ME3: variants seen among roughly 807,000 people sequenced by gnomAD.
ME3 encodes NADP-dependent malic enzyme, mitochondrial.
ME3 carries 48 observed loss-of-function variants against 68.9 expected under a neutral mutation model. That is an observed-to-expected ratio of 0.70 (90% CI 0.55 to 0.89). ME3 has a LOEUF of 0.89. ME3 is among the 40% of genes least tolerant of loss of function. ME3 has a pLI of 0.00. For missense variants in ME3, 675 were observed against 797.4 expected (o/e 0.85, Z 1.85); for synonymous variants, 320 against 318.8 (o/e 1.00, Z -0.04).
At chr11:86,521,198 C>A (rs1406947182) in intron 4 of ME3, among the ~76,000 whole-genome samples, 1 of 152,108 alleles carries the variant, frequency 6.6e-6, no homozygotes, top group Admixed American at 6.5e-5. Flanking sequence ...TTGAGACCAT[C>A]CTGGCTAACA....
intron 2 of ME3, among the ~76,000 whole-genome samples, chr11:86,592,471 A>G (rs369498624): frequency 6.6e-6 from 1 of 152,230 alleles, no homozygotes; most frequent in Non-Finnish European, 1.5e-5. Flanking sequence ...GGAGCACTTC[A>G]CAAAACCCAT....
chr11:86,478,619 A>C (rs1438609111), intron 7 of ME3, among the ~76,000 whole-genome samples: 2 of 152,214 alleles, frequency 1.3e-5, no homozygotes, highest in African/African-American at 4.8e-5. Flanking sequence ...ATTGCTCACT[A>C]CATCAAGTCT....
intron 3 of ME3, among the ~76,000 whole-genome samples, chr11:86,556,908 T>C (rs1016848768): frequency 7.2e-5 from 11 of 152,168 alleles, no homozygotes; most frequent in African/African-American, 2.7e-4. Flanking sequence ...ATGGTGTAGA[T>C]ACTGTTCTAA....
intron 4 of ME3, among the ~76,000 whole-genome samples, chr11:86,526,650 G>C (rs1954773492): frequency 6.6e-6 from 1 of 152,192 alleles, no homozygotes; most frequent in South Asian, 2.1e-4. Flanking sequence ...ACATGGCTGG[G>C]TACCCCTGTG....
At chr11:86,574,994 GC>G (rs1958020126) in intron 2 of ME3, among the ~76,000 whole-genome samples, 1 of 148,282 alleles carries the variant, frequency 6.7e-6, no homozygotes, top group African/African-American at 2.6e-5. Flanking sequence ...AGGTTGTCCA[GC>G]CTGGGCAGGG....
At chr11:86,474,426 T>C (rs1013156493) in intron 7 of ME3, among the ~76,000 whole-genome samples, 2 of 152,116 alleles carry the variant, frequency 1.3e-5, no homozygotes, top group African/African-American at 4.8e-5. Context: ...AGAAATCTCA[T>C]TGCTGGGGAG....
chr11:86,620,343 C>A (rs1453632483), intron 2 of ME3, among the ~76,000 whole-genome samples: 1 of 152,178 alleles, frequency 6.6e-6, no homozygotes. Flanking sequence ...GACATGTAAT[C>A]TTTTAATTTT....
exon 2 of ME3, chr11:86,671,797 C>T: frequency 1.2e-6 from 2 of 1,603,480 alleles, no homozygotes; most frequent in Non-Finnish European, 1.7e-6. Flanking sequence ...ACATCGTATC[C>T]GCGCTTCTTC....
chr11:86,631,292 T>A (rs760056535), intron 2 of ME3, among the ~76,000 whole-genome samples: 1 of 152,088 alleles, frequency 6.6e-6, no homozygotes, highest in African/African-American at 2.4e-5. Context: ...CTCTCCTGCC[T>A]CCCCCTTCTC....
chr11:86,561,519 A>T (rs1451087777), intron 2 of ME3, among the ~76,000 whole-genome samples: 2 of 152,218 alleles, frequency 1.3e-5, no homozygotes, highest in African/African-American at 2.4e-5. Context: ...ATTAAGCTGA[A>T]CATAAGTTCA....
chr11:86,625,719 C>G (rs1192836386), intron 2 of ME3, among the ~76,000 whole-genome samples: 2 of 152,164 alleles, frequency 1.3e-5, no homozygotes, highest in East Asian at 1.9e-4. Context: ...GACATTGAGT[C>G]AGAATTCACA....
intron 7 of ME3, among the ~76,000 whole-genome samples, chr11:86,477,369 C>T (rs1198346397): frequency 1.4e-5 from 2 of 140,396 alleles, no homozygotes; most frequent in Non-Finnish European, 1.6e-5. Flanking sequence ...GTGAATAGTA[C>T]CTAACTCATA....
At chr11:86,660,269 G>A (rs192635504) in intron 2 of ME3, among the ~76,000 whole-genome samples, 176 of 152,188 alleles carry the variant, frequency 1.2e-3, no homozygotes, top group African/African-American at 4.1e-3. Context: ...CTCTCCTTCC[G>A]GACTGGATGC....
intron 2 of ME3, among the ~76,000 whole-genome samples, chr11:86,620,788 CT>C (rs1021050405): frequency 2.0e-5 from 3 of 152,154 alleles, no homozygotes; most frequent in Non-Finnish European, 4.4e-5. Context: ...TATCATACAT[CT>C]TTTTTTGATC....
downstream of ME3, among the ~76,000 whole-genome samples, chr11:86,438,687 G>A (rs1948910789): frequency 6.6e-6 from 1 of 151,968 alleles, no homozygotes; most frequent in Admixed American, 6.6e-5. Context: ...TGCTTGCTTT[G>A]AATTTTGTTT....
intron 7 of ME3, among the ~76,000 whole-genome samples, chr11:86,482,365 C>T (rs1565840165): frequency 6.6e-6 from 1 of 152,132 alleles, no homozygotes; most frequent in African/African-American, 2.4e-5. Flanking sequence ...GTCTGGTGTA[C>T]AGCAGGTACT....
At chr11:86,466,842 G>C (rs1027693739) in intron 7 of ME3, among the ~76,000 whole-genome samples, 1 of 152,174 alleles carries the variant, frequency 6.6e-6, no homozygotes, top group Non-Finnish European at 1.5e-5. Context: ...CTGGGCGTGG[G>C]TTAGAAGGCC....
intron 7 of ME3, among the ~76,000 whole-genome samples, chr11:86,476,689 C>T (rs926228965): frequency 6.6e-6 from 1 of 152,208 alleles, no homozygotes; most frequent in Non-Finnish European, 1.5e-5. Flanking sequence ...TGAATCTACA[C>T]AACACCGTCC....
chr11:86,624,426 C>T (rs1259784967), intron 2 of ME3, among the ~76,000 whole-genome samples: 3 of 152,160 alleles, frequency 2.0e-5, no homozygotes, highest in Non-Finnish European at 4.4e-5. Flanking sequence ...CCAATAAAAA[C>T]AATATGTTTA....
Sources: allele counts gnomAD v4.1 joint callset (sites outside exome capture counted in the v4.1 genomes callset), GRCh38; gene constraint gnomAD v4.1.1; transcripts MANE v1.5; gene names NCBI Gene and HGNC (gene_info 2026-07-23, HGNC 2026-07-21).